The following GRM7 variants were observed in gnomAD, a reference collection of about 807,000 sequenced individuals.
The protein encoded by GRM7 is metabotropic glutamate receptor 7.
In GRM7, 35 loss-of-function variants were observed where a neutral mutation model predicts 84.5. That is an observed-to-expected ratio of 0.41 (90% CI 0.32 to 0.55). The LOEUF (loss-of-function observed/expected upper bound fraction) is 0.55, where lower values mean the gene tolerates loss of function less well. Among genes scored for constraint, GRM7 ranks in the 20% least tolerant of loss-of-function variants. The probability of loss-of-function intolerance (pLI) is 0.19; values close to 1 mark genes in which losing one functional copy is unlikely to be tolerated. For missense variants in GRM7, 1,003 were observed against 1,194.6 expected, an observed-to-expected ratio of 0.84 and a Z score of 2.36; for synonymous variants, 487 against 455.1, an observed-to-expected ratio of 1.07 and a Z score of -0.89.
intron 1 of GRM7, among the ~76,000 whole-genome samples, chr3:7,033,261 A>G (rs1306121743): frequency 1.3e-5 from 2 of 152,110 alleles, no homozygotes; most frequent in Non-Finnish European, 2.9e-5. Context: ...TAACCTCATC[A>G]TAACGGATTA....
intron 2 of GRM7, among the ~76,000 whole-genome samples, chr3:7,245,493 C>T (rs947631020): frequency 6.6e-6 from 1 of 151,894 alleles, no homozygotes; most frequent in Non-Finnish European, 1.5e-5. Flanking sequence ...GATAAAGATA[C>T]ATCCTTAAAA....
At chr3:6,931,008 C>T (rs1697480334) in intron 1 of GRM7, among the ~76,000 whole-genome samples, 1 of 152,212 alleles carries the variant, frequency 6.6e-6, no homozygotes. Flanking sequence ...CCTCCACACT[C>T]ATAATCGCTT....
intron 2 of GRM7, among the ~76,000 whole-genome samples, chr3:7,233,342 A>G (rs1326117379): frequency 6.6e-6 from 1 of 152,158 alleles, no homozygotes; most frequent in Non-Finnish European, 1.5e-5. Flanking sequence ...TTGATTAATT[A>G]TGATCATTTC....
At chr3:7,031,693 C>G (rs138977177) in intron 1 of GRM7, among the ~76,000 whole-genome samples, 12 of 152,166 alleles carry the variant, frequency 7.9e-5, no homozygotes, top group Non-Finnish European at 1.8e-4. Flanking sequence ...GTCATTGCTA[C>G]TATTGTACGT....
intron 9 of GRM7, among the ~76,000 whole-genome samples, chr3:7,705,556 G>C (rs948158965): frequency 5.3e-5 from 8 of 152,176 alleles, no homozygotes; most frequent in African/African-American, 1.9e-4. Flanking sequence ...CAAAGCTACA[G>C]AGATCAAAAG....
chr3:7,608,343 A>G (rs1291606000), intron 8 of GRM7, among the ~76,000 whole-genome samples: 8 of 152,270 alleles, frequency 5.3e-5, no homozygotes, highest in Admixed American at 4.6e-4. Context: ...TCCCACCAAC[A>G]GTATATAAGC....
chr3:7,152,968 G>A (rs904476452), intron 2 of GRM7, among the ~76,000 whole-genome samples: 4 of 152,112 alleles, frequency 2.6e-5, no homozygotes, highest in African/African-American at 9.6e-5. Flanking sequence ...AAAAAAGGCT[G>A]GGGCGATGGA....
intron 8 of GRM7, among the ~76,000 whole-genome samples, chr3:7,579,784 G>C (rs536098306): frequency 6.6e-6 from 1 of 152,218 alleles, no homozygotes; most frequent in Admixed American, 6.5e-5. Context: ...ATGCTCTCTC[G>C]CTCTTCCAAG....
intron 2 of GRM7, among the ~76,000 whole-genome samples, chr3:7,201,644 T>C (rs1334092612): frequency 6.6e-6 from 1 of 152,210 alleles, no homozygotes; most frequent in Non-Finnish European, 1.5e-5. Flanking sequence ...TGTAATACAC[T>C]AAGTAATCCC....
At chr3:6,956,575 C>T (rs1181905808) in intron 1 of GRM7, 2 of 456,582 alleles carry the variant, frequency 4.4e-6, no homozygotes, top group Non-Finnish European at 8.8e-6. Context: ...AGGGAGATGC[C>T]CTTCTATCCT....
chr3:7,649,793 C>T (rs1215079497), intron 8 of GRM7, among the ~76,000 whole-genome samples: 3 of 150,296 alleles, frequency 2.0e-5, no homozygotes, highest in Non-Finnish European at 4.4e-5. Context: ...TAATTTTCCA[C>T]CCAAATTTAT....
At chr3:7,347,430 T>A (rs1377747977) in intron 4 of GRM7, among the ~76,000 whole-genome samples, 2 of 152,196 alleles carry the variant, frequency 1.3e-5, no homozygotes, top group African/African-American at 2.4e-5. Context: ...GATATGCCAA[T>A]AAGATTTTCA....
At chr3:7,346,566 C>T (rs1362342172) in intron 4 of GRM7, among the ~76,000 whole-genome samples, 1 of 152,064 alleles carries the variant, frequency 6.6e-6, no homozygotes, top group Non-Finnish European at 1.5e-5. Flanking sequence ...GGATGCCTAG[C>T]TATAACTGCA....
intron 8 of GRM7, among the ~76,000 whole-genome samples, chr3:7,653,976 T>TAAA (rs1175030557): frequency 4.6e-5 from 7 of 152,154 alleles, no homozygotes; most frequent in Admixed American, 4.6e-4. Flanking sequence ...CCCCCTTCCT[T>TAAA]AAATCATCTT....
intron 7 of GRM7, among the ~76,000 whole-genome samples, chr3:7,500,851 A>G (rs922698185): frequency 6.6e-6 from 1 of 152,220 alleles, no homozygotes; most frequent in African/African-American, 2.4e-5. Flanking sequence ...AAGGAGGATG[A>G]GAAATACTTG....
intron 8 of GRM7, among the ~76,000 whole-genome samples, chr3:7,598,407 C>A (rs1696152137): frequency 6.6e-6 from 1 of 152,178 alleles, no homozygotes; most frequent in South Asian, 2.1e-4. Context: ...AACAACCTGT[C>A]CTTTGATAAC....
intron 4 of GRM7, among the ~76,000 whole-genome samples, chr3:7,308,134 C>A (rs990541709): frequency 1.3e-5 from 2 of 152,224 alleles, no homozygotes; most frequent in African/African-American, 4.8e-5. Flanking sequence ...CTCCTGCCTT[C>A]TTAAAATCCT....
At chr3:7,082,458 C>T (rs2124998911) in intron 1 of GRM7, among the ~76,000 whole-genome samples, 2 of 152,176 alleles carry the variant, frequency 1.3e-5, no homozygotes, top group Admixed American at 1.3e-4. Context: ...ACTTGTTACC[C>T]AAAAGCTCTC....
At chr3:7,567,747 CAAAAAAAAAAAAAAAAAAAAAAAAAAAAA>C (rs1176146756) in intron 7 of GRM7, among the ~76,000 whole-genome samples, 1 of 45,790 alleles carries the variant, frequency 2.2e-5, no homozygotes, top group African/African-American at 8.5e-5. Flanking sequence ...GACTCCATCT[CAAAAAAAAAAAAAAAAAAAAAAAAAAAAA>C]AAAAAAAAAG....
Sources: allele counts gnomAD v4.1 joint callset (sites outside exome capture counted in the v4.1 genomes callset), GRCh38; gene constraint gnomAD v4.1.1; transcripts MANE v1.5; gene names NCBI Gene and HGNC (gene_info 2026-07-23, HGNC 2026-07-21).